Variants in NUP155 observed in about 807,000 individuals in gnomAD.
NUP155 encodes nucleoporin 155.
NUP155 carries 71 observed loss-of-function variants against 180.4 expected under a neutral mutation model. The ratio of observed to expected loss-of-function variants is 0.39; its 90% confidence interval spans 0.33 to 0.48. The LOEUF is 0.48. NUP155 is among the 20% of genes least tolerant of loss of function. The pLI is 0.91. For synonymous variants in NUP155, 582 were observed against 559.5 expected (o/e 1.04, Z -0.57); for missense variants, 1,553 against 1,648.9 (o/e 0.94, Z 1.01).
intron 12 of NUP155, among the ~76,000 whole-genome samples, chr5:37,336,127 CT>C (rs1356008757): frequency 6.6e-6 from 1 of 151,992 alleles, no homozygotes; most frequent in Non-Finnish European, 1.5e-5. Context: ...AAAAGTCCAC[CT>C]TTGTTTGAGA....
Position 37,303,366 on chromosome 5 carries a change from C to T in NUP155, c.3211G>A (p.Asp1071Asn), listed in dbSNP as rs1230592350. Reference sequence around the variant, plus strand: ...TCCATATAACGAACTCTGTTTTGATCAACTTTGGCCATTCGGACTAGATGT... The same window carrying T: ...TCCATATAACGAACTCTGTTTTGATTAACTTTGGCCATTCGGACTAGATGT... Reference protein sequence around the residue: ...EPHLVRMAKVDQNRVRYMDLL... With the variant: ...EPHLVRMAKVNQNRVRYMDLL... Residue 1071 changes from aspartate to asparagine, a missense_variant, in exon 28 of 35, where the codon GAT becomes AAT. By Grantham distance (23) the Asp-to-Asn change is conservative. Transcript: ENST00000231498. The T allele has an allele frequency of 1.9e-6, 3 of 1,614,072 alleles. No individual in the cohort carries two copies. Among genetic ancestry groups the T allele is most frequent in the African/African-American group, 2.7e-5 (2 of 75,050 alleles).
chr5:37,334,882 C>T (rs996527787), intron 12 of NUP155, among the ~76,000 whole-genome samples: 3 of 151,974 alleles, frequency 2.0e-5, no homozygotes, highest in Non-Finnish European at 4.4e-5. Flanking sequence ...TTTACTGGCT[C>T]GGCGAGGTGG....
chr5:37,327,376 C>G (rs928588145), intron 18 of NUP155, among the ~76,000 whole-genome samples: 1 of 152,114 alleles, frequency 6.6e-6, no homozygotes, highest in African/African-American at 2.4e-5. Flanking sequence ...CATCCCCTAA[C>G]CCCTGTGTTA....
intron 32 of NUP155, among the ~76,000 whole-genome samples, chr5:37,296,098 G>T (rs990331316): frequency 4.0e-5 from 6 of 150,882 alleles, no homozygotes; most frequent in African/African-American, 1.2e-4. Flanking sequence ...TCCGGGAGGT[G>T]AGGGGCACCT....
intron 21 of NUP155, among the ~76,000 whole-genome samples, chr5:37,316,938 G>T (rs1256306181): frequency 6.6e-6 from 1 of 150,860 alleles, no homozygotes; most frequent in Non-Finnish European, 1.5e-5. Flanking sequence ...TGAGGTGGGC[G>T]GATCATGAGG....
At position 37,365,738 on chromosome 5, in the gene NUP155, A is replaced by AAAAAATATAT. The variant is rs1561818758; in HGVS notation, c.158-1355_158-1354insATATATTTTT. On this transcript the variant is annotated intron_variant, in intron 1 of 34. Coordinates refer to ENST00000231498, the MANE Select transcript of NUP155 (RefSeq NM_153485.3). ...GAAAAAAAAAAAAAAAAAAAAAAAA[A>AAAAAATATAT]ATATATATATATATACACACACACA... Among the ~76,000 whole-genome samples, 17 of 37,138 alleles carry AAAAAATATAT rather than the reference A, an allele frequency of 4.6e-4. 1 individual carries two copies. The highest frequency in any genetic ancestry group is 6.0e-4 in the Non-Finnish European group (13 of 21,830). The allele number at this position is 37,138 out of a possible 152,430, so 24.4% of individuals were successfully genotyped here. A position where few individuals can be genotyped will look rare whatever the true frequency, so the allele number is the denominator to read the frequency against.
intron 13 of NUP155, among the ~76,000 whole-genome samples, 190 bp downstream of exon 13, chr5:37,333,273 T>C (rs1745097934): frequency 6.6e-6 from 1 of 152,016 alleles, no homozygotes; most frequent in Non-Finnish European, 1.5e-5. Context: ...GAGAATTGCT[T>C]GATCTGGGGA....
chr5:37,325,908 A>G lies in NUP155; in HGVS notation c.2084T>C (p.Ile695Thr). The change falls in exon 19 of 35, where the codon ATC (isoleucine) becomes ACC (threonine). Residue 695 changes from isoleucine to threonine, a missense_variant. Ile to Thr is a moderately conservative substitution (Grantham distance 89, BLOSUM62 -1). Transcript: ENST00000231498. ...AATATTATACACACTTACTGCAGTG[A>G]TCTCTCTGTTGCCACTCTTGAATAT... is the stretch of plus-strand genomic sequence containing the variant. The part of the protein sequence containing the change: ...ERIFKSGNRE[I>T]TAIESSVPCQ... 6.2e-7 allele frequency: 1 copy of G among 1,600,504 alleles called. No homozygotes were observed. Among genetic ancestry groups the G allele is most frequent in the South Asian group, 1.1e-5 (1 of 90,784 alleles).
At chr5:37,293,361 G>GT (rs1742333993) in intron 33 of NUP155, among the ~76,000 whole-genome samples, 1 of 151,684 alleles carries the variant, frequency 6.6e-6, no homozygotes, top group African/African-American at 2.4e-5. Context: ...TAAACTAGCA[G>GT]TAACAGAAAC....
chr5:37,303,676 C>T (rs987407441), intron 27 of NUP155, among the ~76,000 whole-genome samples: 1 of 152,072 alleles, frequency 6.6e-6, no homozygotes, highest in Non-Finnish European at 1.5e-5. Context: ...CTGGGCATGG[C>T]GACTCATGTC....
At chr5:37,355,556 T>C (rs560523690) in intron 4 of NUP155, among the ~76,000 whole-genome samples, 1 of 138,384 alleles carries the variant, frequency 7.2e-6, no homozygotes, top group East Asian at 2.0e-4. Context: ...TGTATATATA[T>C]ATATATTTAT....
At chr5:37,339,124 T>C (rs1042075141) in intron 11 of NUP155, among the ~76,000 whole-genome samples, 3 of 151,850 alleles carry the variant, frequency 2.0e-5, no homozygotes, top group Non-Finnish European at 4.4e-5. Context: ...ATCCCAGCAG[T>C]TTCGGAGGCT....
At chr5:37,351,755 A>C (rs1185977144) in intron 5 of NUP155, among the ~76,000 whole-genome samples, 1 of 151,880 alleles carries the variant, frequency 6.6e-6, no homozygotes, top group African/African-American at 2.4e-5. Flanking sequence ...AGCCTTACTC[A>C]ATTCTTACTG....
At chr5:37,332,012 C>T (rs1331316360) in intron 13 of NUP155, among the ~76,000 whole-genome samples, 1 of 151,970 alleles carries the variant, frequency 6.6e-6, no homozygotes, top group Non-Finnish European at 1.5e-5. Context: ...TACAACTGGT[C>T]AAAAAGATCA....
At chr5:37,350,006 T>G (rs1746355155) in intron 7 of NUP155, among the ~76,000 whole-genome samples, 154 bp downstream of exon 7, 1 of 152,230 alleles carries the variant, frequency 6.6e-6, no homozygotes, top group Non-Finnish European at 1.5e-5. Context: ...GGTTATGATC[T>G]CCTTACCCTT....
At chr5:37,350,848 C>T (rs539607512) in intron 6 of NUP155, among the ~76,000 whole-genome samples, 138 of 144,606 alleles carry the variant, frequency 9.5e-4, no homozygotes, top group Admixed American at 2.8e-3. Flanking sequence ...AAAGCAATTA[C>T]GAATTAAATC....
At chr5:37,305,250 T>A in intron 25 of NUP155, 40 bp from the exon 26 acceptor site, 1 of 1,560,988 alleles carries the variant, frequency 6.4e-7, no homozygotes, top group Non-Finnish European at 8.8e-7. Flanking sequence ...ATTATTTAAC[T>A]AGAAAGCAAA....
In NUP155 at chr5:37,327,713, G is replaced by A; in HGVS notation, c.1940C>T (p.Thr647Ile). The change falls in exon 18 of 35, where the codon ACA becomes ATA. Residue 647 changes from threonine (T) to isoleucine (I), a missense_variant. Thr to Ile is a moderately conservative substitution (Grantham distance 89). Transcript: ENST00000231498. ...CALGNPATQA[T>I]NMSCVTGPEI... ...TGGTCCAGTCACACAACTCATATTT[G>A]TGGCCTGAGTTGCTGGGTTTCCCAG... 1 of 1,614,090 alleles carries A rather than the reference G, an allele frequency of 6.2e-7. No individual in the cohort carries two copies.
At chr5:37,349,930 C>T (rs915560856) in intron 7 of NUP155, among the ~76,000 whole-genome samples, 22 of 152,086 alleles carry the variant, frequency 1.4e-4, no homozygotes, top group Admixed American at 2.6e-4. Flanking sequence ...GTTTTAGACG[C>T]AAGTTCTTTG....
Sources: gnomAD v4.1 joint callset for allele counts (sites outside exome capture counted in the v4.1 genomes callset) on GRCh38, gnomAD v4.1.1 for gene constraint, MANE v1.5 for transcripts, NCBI Gene and HGNC (gene_info 2026-07-23, HGNC 2026-07-21) for gene names.